The following ITPR2 variants were observed in gnomAD, a reference collection of about 807,000 sequenced individuals.
ITPR2 encodes inositol 1,4,5-trisphosphate receptor type 2.
ITPR2 carries 207 observed loss-of-function variants against 317.1 expected under a neutral mutation model. That is an observed-to-expected ratio of 0.65 (90% confidence interval 0.58 to 0.73). ITPR2 has a LOEUF of 0.73. Among genes scored for constraint, ITPR2 ranks in the 30% least tolerant of loss-of-function variants. The probability of loss-of-function intolerance (pLI) is 0.00; values close to 1 mark genes in which losing one functional copy is unlikely to be tolerated. For missense variants in ITPR2, 2,613 were observed against 3,284.0 expected, an observed-to-expected ratio of 0.80 and a Z score of 4.99; for synonymous variants, 1,156 against 1,149.1, an observed-to-expected ratio of 1.01 and a Z score of -0.12.
In ITPR2 at chr12:26,582,849, C is replaced by T. The variant is rs77355266; in HGVS notation, c.4381-2694G>A. Among the ~76,000 whole-genome samples the T allele has an allele frequency of 9.8e-3, 1,487 of 152,280 alleles. 28 individuals carry two copies. The highest frequency in any genetic ancestry group is 0.035 in the African/African-American group (1,434 of 41,546). On this transcript the variant is annotated intron_variant, in intron 32 of 56. Transcript: ENST00000381340. ...CCACCAAATAGCTTTTGCTTTGGGG[C>T]TCTGGTTGTATTCAGCTAATGTGAG...
chr12:26,769,794 T>TG lies in ITPR2; in HGVS notation c.163+20362dup, dbSNP rs138841387. 6.5e-3 allele frequency among the ~76,000 whole-genome samples: 986 copies of TG among 152,178 alleles called. 8 individuals are homozygous for TG. Among genetic ancestry groups the TG allele is most frequent in the African/African-American group, 0.023 (946 of 41,510 alleles). ...ATACATGACACAAGAGAAGACCGGA[T>TG]GGGGGGAGTGGCTTACTTAAAAACA... On this transcript the variant is annotated intron_variant, in intron 2 of 56. Coordinates refer to ENST00000381340, the MANE Select transcript of ITPR2 (RefSeq NM_002223.4).
In ITPR2 at chr12:26,624,351, C is replaced by A. The variant is rs1391608397; in HGVS notation, c.3070G>T (p.Val1024Phe). 2 of 1,606,608 alleles carry A rather than the reference C, an allele frequency of 1.2e-6. No individual in the cohort carries two copies. The highest frequency in any genetic ancestry group is 1.1e-5 in the South Asian group (1 of 90,230). The part of the protein sequence containing the change: ...SPDTLLPSAI[V>F]PDIDEIAAQA... ...GCTGCAATTTCATCTATATCAGGAA[C>A]AATAGCTGCAAAGATAAATGGTAAA... The change falls in exon 24 of 57, where the codon GTT (valine) becomes TTT (phenylalanine). Residue 1024 changes from valine (V) to phenylalanine (F), a missense_variant. Val to Phe is a conservative substitution (Grantham distance 50). This residue lies in a region of ITPR2 where 817 missense variants were observed against 897.6 expected (regional missense o/e 0.91). Coordinates refer to ENST00000381340, the MANE Select transcript of ITPR2 (RefSeq NM_002223.4).
Position 26,654,132 on chromosome 12 carries a change from T to TAAAA in ITPR2, c.2590-10_2590-7dup, listed in dbSNP as rs754965250. ...TTCCGAGCCAAGTGGACCACCTTAA[T>TAAAA]AAAAAAAAAAAAGCGGGGAGGGGGA... is the stretch of plus-strand genomic sequence containing the variant. On this transcript the variant is annotated splice_region_variant and splice_polypyrimidine_tract_variant and intron_variant, in intron 20 of 56. Coordinates refer to ENST00000381340, the MANE Select transcript of ITPR2 (RefSeq NM_002223.4). The TAAAA allele has an allele frequency of 4.2e-5, 35 of 840,822 alleles. No homozygotes were observed. Among genetic ancestry groups the TAAAA allele is most frequent in the South Asian group, 1.8e-4 (9 of 50,768 alleles). 52.1% of individuals were successfully genotyped at this position (840,822 alleles called of 1,614,324 possible).
chr12:26,601,900 TC>T (rs1225901552), intron 28 of ITPR2, among the ~76,000 whole-genome samples: 2 of 151,926 alleles, frequency 1.3e-5, no homozygotes, highest in African/African-American at 4.8e-5. Flanking sequence ...TCCGGTTATG[TC>T]CCTGCCAAAG....
intron 54 of ITPR2, 42 bp downstream of exon 54, chr12:26,398,834 C>A (rs1290909767): frequency 1.3e-6 from 2 of 1,521,042 alleles, no homozygotes; most frequent in Non-Finnish European, 8.9e-7. Flanking sequence ...TTCCTGCAAA[C>A]AGTCTATTCA....
At chr12:26,725,512 T>C (rs1303043548) in intron 3 of ITPR2, 138 bp downstream of exon 3, 2 of 624,726 alleles carry the variant, frequency 3.2e-6, no homozygotes, top group Non-Finnish European at 5.7e-6. Flanking sequence ...AAAGCCCTTC[T>C]ACTTTCAATG....
intron 31 of ITPR2, 103 bp downstream of exon 31, chr12:26,596,780 T>G: frequency 1.1e-6 from 1 of 898,992 alleles, no homozygotes; most frequent in Non-Finnish European, 1.6e-6. Context: ...ACTAAATATA[T>G]GATCTCATTA....
rs574851196 is a variant in ITPR2 at position 26,669,198 on chromosome 12, A to G, written c.1410-3147T>C. On this transcript the variant is annotated intron_variant, in intron 13 of 56. Coordinates refer to ENST00000381340, the MANE Select transcript of ITPR2 (RefSeq NM_002223.4). ...AGGAAAATTATTCTACATACATTCT[A>G]AAAATATTATTAATCTATAAGGCAG... 2.6e-3 allele frequency among the ~76,000 whole-genome samples: 398 copies of G among 151,918 alleles called. 1 individual carries two copies. Among genetic ancestry groups the G allele is most frequent in the African/African-American group, 8.5e-3 (354 of 41,538 alleles).
intron 13 of ITPR2, among the ~76,000 whole-genome samples, chr12:26,679,119 C>T: frequency 6.6e-6 from 1 of 152,316 alleles, no homozygotes; most frequent in South Asian, 2.1e-4. Context: ...CTGATATTTA[C>T]TTGTCTATAG....
chr12:26,412,826 T>C (rs10743583), intron 51 of ITPR2, among the ~76,000 whole-genome samples: 145,901 of 152,240 alleles, frequency 0.96, 69,909 homozygotes, highest in East Asian at 1. Flanking sequence ...CATGGACCAG[T>C]CAGAGTGACC....
chr12:26,457,565 C>T (rs568503010), intron 45 of ITPR2, among the ~76,000 whole-genome samples: 2 of 152,286 alleles, frequency 1.3e-5, no homozygotes, highest in Admixed American at 6.5e-5. Flanking sequence ...AACAGAAGCA[C>T]GAAGAGTCAG....
chr12:26,396,131 G>A (rs1939991124), intron 54 of ITPR2, among the ~76,000 whole-genome samples: 1 of 152,034 alleles, frequency 6.6e-6, no homozygotes. Flanking sequence ...GAAAAGAAAG[G>A]AGACACACAT....
chr12:26,372,182 T>A (rs1939206866), intron 55 of ITPR2, among the ~76,000 whole-genome samples: 1 of 152,204 alleles, frequency 6.6e-6, no homozygotes, highest in East Asian at 1.9e-4. Context: ...CTCATCTTTA[T>A]GACCATATAT....
intron 40 of ITPR2, 166 bp downstream of exon 40, chr12:26,486,902 A>G: frequency 1.4e-6 from 1 of 724,376 alleles, no homozygotes; most frequent in Non-Finnish European, 2.5e-6. Flanking sequence ...AGTCCTGCAG[A>G]GCCGTTTTAG....
At chr12:26,571,117 T>G (rs1274687598) in intron 34 of ITPR2, among the ~76,000 whole-genome samples, 1 of 152,224 alleles carries the variant, frequency 6.6e-6, no homozygotes, top group Non-Finnish European at 1.5e-5. Context: ...AGCGTAACAA[T>G]GGAGGTAAAT....
intron 48 of ITPR2, 128 bp from the exon 49 acceptor site, chr12:26,428,216 A>G: frequency 1.8e-6 from 1 of 558,722 alleles, no homozygotes; most frequent in Non-Finnish European, 2.9e-6. Context: ...AAATGACCCC[A>G]TCTACGTTCT....
chr12:26,830,622 C>T (rs908361949), intron 1 of ITPR2, among the ~76,000 whole-genome samples: 2 of 152,232 alleles, frequency 1.3e-5, no homozygotes, highest in Non-Finnish European at 2.9e-5. Context: ...AAACTTGTAG[C>T]TTCCTGATAT....
At chr12:26,549,938 G>A (rs1311452565) in intron 37 of ITPR2, among the ~76,000 whole-genome samples, 1 of 151,864 alleles carries the variant, frequency 6.6e-6, no homozygotes, top group African/African-American at 2.4e-5. Flanking sequence ...ATGCATCTCA[G>A]TTACTCATTG....
chr12:26,430,805 G>A (rs1941185022), intron 48 of ITPR2, among the ~76,000 whole-genome samples: 1 of 152,170 alleles, frequency 6.6e-6, no homozygotes, highest in African/African-American at 2.4e-5. Context: ...TTCACATAAT[G>A]GAGCTCTGCT....
Sources: allele counts gnomAD v4.1 joint callset (sites outside exome capture counted in the v4.1 genomes callset), GRCh38; gene constraint gnomAD v4.1.1; regional missense constraint gnomAD v4.1.1; transcripts MANE v1.5; gene names NCBI Gene and HGNC (gene_info 2026-07-23, HGNC 2026-07-21).